Variants in ADAT3 observed in about 807,000 individuals in gnomAD.
The protein encoded by ADAT3 is tRNA-specific adenosine-34 deaminase regulatory subunit ADAT3.
A neutral mutation model predicts 3.5 loss-of-function variants in ADAT3; 2 were observed. The observed-to-expected ratio is 0.57, with a 90% confidence interval of 0.23 to 1.79. ADAT3 has a LOEUF of 1.79. Among genes scored for constraint, ADAT3 ranks in the 40% most tolerant of loss-of-function variants. The pLI is 0.18. For missense variants in ADAT3, 735 were observed against 571.4 expected (o/e 1.29, Z -2.92); for synonymous variants, 358 against 270.3 (o/e 1.32, Z -3.18).
Position 1,913,214 on chromosome 19 carries a change from C to T in ADAT3, c.*63C>T. Reference sequence around the variant, plus strand: ...GCCGTGGGGCGCCCCTCCTGGACTTCCGGGCCTCGATTTCTTCCGCACAAG... The same window carrying T: ...GCCGTGGGGCGCCCCTCCTGGACTTTCGGGCCTCGATTTCTTCCGCACAAG... On this transcript the variant is annotated 3_prime_UTR_variant, in exon 2 of 2. Transcript: ENST00000329478. 2.1e-6 allele frequency: 3 copies of T among 1,457,330 alleles called. No individual in the cohort carries two copies. The highest frequency in any genetic ancestry group is 1.4e-5 in the South Asian group (1 of 69,664). The allele number at this position is 1,457,330 out of a possible 1,614,324, so 90.3% of individuals were successfully genotyped here. A position where few individuals can be genotyped will look rare whatever the true frequency, so the allele number is the denominator to read the frequency against.
chr19:1,911,459 G>A (rs1269801873), intron 1 of ADAT3, among the ~76,000 whole-genome samples: 7 of 152,154 alleles, frequency 4.6e-5, no homozygotes, highest in South Asian at 4.1e-4. Flanking sequence ...GGCGTGAGCC[G>A]CTGGTACCTA....
rs376020426 is a variant in ADAT3, at chr19:1,912,922, C to T, written c.875C>T (p.Pro292Leu). ...CTGGACGCAGACGAGGACGGCCTCC[C>T]CTACCTGTGCACTGGCTACGACCTG... ...RKLDADEDGL[P>L]YLCTGYDLYV... The change falls in exon 2 of 2, where the codon CCC (proline) becomes CTC (leucine). Residue 292 changes from proline to leucine, a missense_variant. Transcript: ENST00000329478. 4 of 1,610,028 alleles carry T rather than the reference C, an allele frequency of 2.5e-6. No individual in the cohort carries two copies. The highest frequency in any genetic ancestry group is 1.3e-5 in the African/African-American group (1 of 74,910).
chr19:1,908,544 AC>A lies in ADAT3; in HGVS notation c.-159+3108del. ...TAGTCCAGGCTGGCAGTTCAGGATC[AC>A]CCGGCTGGAGTCATTTTAAGATCAT... On this transcript the variant is annotated intron_variant, in intron 1 of 1. Transcript: ENST00000329478. This position sits in a 1 kb window ranked among gnomAD's most constrained non-coding sequence, Gnocchi z 4.2. 1 of 471,124 alleles carries A rather than the reference AC, an allele frequency of 2.1e-6. No individual in the cohort carries two copies. The highest frequency in any genetic ancestry group is 1.5e-5 in the South Asian group (1 of 64,562). The allele number at this position is 471,124 out of a possible 1,614,324, so 29.2% of individuals were successfully genotyped here.
At chr19:1,911,284 G>GT (rs753608513) in intron 1 of ADAT3, among the ~76,000 whole-genome samples, 1 of 152,042 alleles carries the variant, frequency 6.6e-6, no homozygotes, top group Non-Finnish European at 1.5e-5. Context: ...TGCTCCTCCT[G>GT]TTTCAGCTTC....
rs1568765958 is a variant in ADAT3, at chr19:1,912,855, G to GCCGCTGCCCCCCAGGCCGT, written c.813_831dup (p.Ala278CysfsTer12). 1 of 1,597,746 alleles carries GCCGCTGCCCCCCAGGCCGT rather than the reference G, an allele frequency of 6.3e-7. No homozygotes were observed. Among genetic ancestry groups the GCCGCTGCCCCCCAGGCCGT allele is most frequent in the Admixed American group, 1.7e-5 (1 of 59,504 alleles). Reference sequence around the variant, plus strand: ...CTTCCCCGCCTGCTCCTTCGCCCCGGCCGCTGCCCCCCAGGCCGTCCGCGC... The same window carrying GCCGCTGCCCCCCAGGCCGT: ...CTTCCCCGCCTGCTCCTTCGCCCCGGCCGCTGCCCCCCAGGCCGTCCGCTGCCCCCCAGGCCGTCCGCGC... On this transcript the variant is annotated frameshift_variant, in exon 2 of 2. Coordinates refer to ENST00000329478, the MANE Select transcript of ADAT3 (RefSeq NM_138422.4). LOFTEE classifies it low-confidence loss of function (END_TRUNC).
chr19:1,909,231 G>C (rs958387647), intron 1 of ADAT3, among the ~76,000 whole-genome samples: 16 of 152,156 alleles, frequency 1.1e-4, no homozygotes, highest in Admixed American at 1.0e-3. Flanking sequence ...GTGGTTTGGG[G>C]GTGTTCAGGT....
chr19:1,908,678 A>G lies in ADAT3; in HGVS notation c.-158-3212A>G, dbSNP rs1419192895. On this transcript the variant is annotated intron_variant, in intron 1 of 1. Coordinates refer to ENST00000329478, the MANE Select transcript of ADAT3 (RefSeq NM_138422.4). The surrounding 1 kb of genome is among the most constrained non-coding windows in gnomAD (Gnocchi z 4.2). ...ATTTTATTATTATTTATTTATTTGA[A>G]AAAAGGAACAGGGTCTCTCTATCTT... 9.2e-6 allele frequency: 4 copies of G among 433,310 alleles called. No individual in the cohort carries two copies. In the Admixed American group the frequency reaches 1.1e-4, roughly 12 times the overall value. The allele number at this position is 433,310 out of a possible 1,614,324, so 26.8% of individuals were successfully genotyped here.
intron 1 of ADAT3, chr19:1,906,386 T>G (rs1355531833): frequency 1.3e-5 from 2 of 152,044 alleles, no homozygotes; most frequent in African/African-American, 2.4e-5. Context: ...AGATTTTTTT[T>G]TAATAAGCCA....
intron 1 of ADAT3, chr19:1,906,866 T>TGGTGTGTGTGTGTGTGTGTGTGTGTGTG (rs1555836653): frequency 1.5e-5 from 2 of 130,088 alleles, no homozygotes; most frequent in East Asian, 2.4e-4. Context: ...AAAAAAAAAA[T>TGGTGTGTGTGTGTGTGTGTGTGTGTGTG]TGTGTGTGTG....
chr19:1,905,890 G>A (rs1027964567), intron 1 of ADAT3: 1 of 152,204 alleles, frequency 6.6e-6, no homozygotes, highest in Non-Finnish European at 1.5e-5. Context: ...CTAGGCCTTG[G>A]TACATCCCCA....
chr19:1,910,898 C>T (rs1306345674), intron 1 of ADAT3, among the ~76,000 whole-genome samples: 4 of 150,526 alleles, frequency 2.7e-5, no homozygotes, highest in Admixed American at 6.6e-5. Context: ...TTGACAGTCT[C>T]GCGCTGTTAC....
rs767434351 is a variant in ADAT3 at position 1,912,092 on chromosome 19, G to A, written c.45G>A (p.Leu15=). The part of the protein sequence containing the change: ...SRLCLPQSAS[L]RMEPAPGLVE... ...TCTGTCTCCCACAGTCGGCCTCGCT[G>A]AGGATGGAGCCCGCCCCGGGCCTCG... The change falls in exon 2 of 2, where the codon CTG becomes CTA. Residue 15 remains leucine, a synonymous_variant. Coordinates refer to ENST00000329478, the MANE Select transcript of ADAT3 (RefSeq NM_138422.4). 2.7e-5 allele frequency: 40 copies of A among 1,481,452 alleles called. No individual in the cohort carries two copies. The highest frequency in any genetic ancestry group is 3.2e-5 in the Non-Finnish European group (36 of 1,121,512). The allele number at this position is 1,481,452 out of a possible 1,614,324, so 91.8% of individuals were successfully genotyped here.
Position 1,910,930 on chromosome 19 carries a change from G to C in ADAT3, c.-158-960G>C, listed in dbSNP as rs186978199. Among the ~76,000 whole-genome samples the C allele has an allele frequency of 4.3e-3, 646 of 151,644 alleles. 2 individuals are homozygous for C. Among genetic ancestry groups the C allele is most frequent in the Non-Finnish European group, 7.1e-3 (483 of 67,930 alleles). On this transcript the variant is annotated intron_variant, in intron 1 of 1. Coordinates refer to ENST00000329478, the MANE Select transcript of ADAT3 (RefSeq NM_138422.4). ...TTACCAGGCTGGAGTGCAGTGGCGC[G>C]ATCTCGGCTCAATGTAACCTGCGCC...
Position 1,913,301 on chromosome 19 carries a change from G to A in ADAT3, c.*150G>A, listed in dbSNP as rs966975573. The A allele has an allele frequency of 4.9e-6, 6 of 1,222,176 alleles. No individual in the cohort carries two copies. The highest frequency in any genetic ancestry group is 5.9e-5 in the Admixed American group (2 of 33,870). The allele number at this position is 1,222,176 out of a possible 1,614,324, so 75.7% of individuals were successfully genotyped here. On this transcript the variant is annotated 3_prime_UTR_variant, in exon 2 of 2. Transcript: ENST00000329478. ...GCGGGGAGCACGGGTGCTGCCTTCC[G>A]TGCGGATCGAGCTTTCCTGGACTCG...
intron 1 of ADAT3, 70 bp downstream of exon 1, chr19:1,905,509 C>T (rs947372916): frequency 2.0e-5 from 8 of 391,022 alleles, no homozygotes; most frequent in Non-Finnish European, 3.3e-5. Flanking sequence ...TAGGGGCTGA[C>T]ATGGGGGGTC....
chr19:1,908,228 C>T lies in ADAT3; in HGVS notation c.-159+2789C>T, dbSNP rs1054011280. 2 of 282,938 alleles carry T rather than the reference C, an allele frequency of 7.1e-6. No individual in the cohort carries two copies. Among genetic ancestry groups the T allele is most frequent in the Admixed American group, 5.0e-5 (1 of 20,164 alleles). The allele number at this position is 282,938 out of a possible 1,614,324, so 17.5% of individuals were successfully genotyped here. ...ACGGGGCCTCGGGCAGCGGCAGCAC[C>T]TGGCGCTGCCTCCGCGCTTCCTGCT... On this transcript the variant is annotated intron_variant, in intron 1 of 1. Coordinates refer to ENST00000329478, the MANE Select transcript of ADAT3 (RefSeq NM_138422.4). This position sits in a 1 kb window ranked among gnomAD's most constrained non-coding sequence, Gnocchi z 4.2.
At position 1,912,453 on chromosome 19, in the gene ADAT3, C is replaced by T. The variant is rs1399734244; in HGVS notation, c.406C>T (p.Leu136=). Residue 136 remains leucine, a synonymous_variant, in exon 2 of 2, where the codon CTG becomes TTG. Transcript: ENST00000329478. ...LPRPAVDPRG[L]GQPFLVPVPA... ...ACGGCCGGCTGTGGACCCCCGCGGC[C>T]TGGGGCAACCCTTCCTGGTGCCCGT... is the stretch of plus-strand genomic sequence containing the variant. 5 of 1,506,918 alleles carry T rather than the reference C, an allele frequency of 3.3e-6. No homozygotes were observed. Among genetic ancestry groups the T allele is most frequent in the Non-Finnish European group, 4.4e-6 (5 of 1,134,928 alleles). 93.3% of individuals were successfully genotyped at this position (1,506,918 alleles called of 1,614,324 possible).
rs748606302 is a variant in ADAT3, at chr19:1,912,819, G to T, written c.772G>T (p.Asp258Tyr). 6.3e-7 allele frequency: 1 copy of T among 1,588,452 alleles called. No individual in the cohort carries two copies. Among genetic ancestry groups the T allele is most frequent in the Non-Finnish European group, 8.5e-7 (1 of 1,175,022 alleles). ...GCGCGGCCAGGGCCGCGGCACCTACGACTTCAGACCCTTCCCCGCCTGCTC... is the reference window on the plus strand; with the variant it reads ...GCGCGGCCAGGGCCGCGGCACCTACTACTTCAGACCCTTCCCCGCCTGCTC... Reference protein sequence around the residue: ...VARGQGRGTYDFRPFPACSFA... With the variant: ...VARGQGRGTYYFRPFPACSFA... The change falls in exon 2 of 2, where the codon GAC (aspartate) becomes TAC (tyrosine). Residue 258 changes from aspartate to tyrosine, a missense_variant. Coordinates refer to ENST00000329478, the MANE Select transcript of ADAT3 (RefSeq NM_138422.4).
chr19:1,912,762 C>T lies in ADAT3; in HGVS notation c.715C>T (p.His239Tyr). The T allele has an allele frequency of 6.4e-7, 1 of 1,556,842 alleles. No homozygotes were observed. The highest frequency in any genetic ancestry group is 8.6e-7 in the Non-Finnish European group (1 of 1,159,428). ...CAGCTGCGCGGACAACCCCCTCCTG[C>T]ACGCCGTCATGGTGTGCGTGGACCT... ...DCSCADNPLL[H>Y]AVMVCVDLVA... Residue 239 changes from histidine to tyrosine, a missense_variant, in exon 2 of 2, where the codon CAC (histidine) becomes TAC (tyrosine). His to Tyr is a moderately conservative substitution (Grantham distance 83). Transcript: ENST00000329478.
Sources: gnomAD v4.1 joint callset for allele counts (sites outside exome capture counted in the v4.1 genomes callset) on GRCh38, gnomAD v4.1.1 for gene constraint, Gnocchi (gnomAD v3.1) non-coding constraint, MANE v1.5 for transcripts, NCBI Gene and HGNC (gene_info 2026-07-23, HGNC 2026-07-21) for gene names.